The following SAMSN1 variants were observed in gnomAD, a reference collection of about 807,000 sequenced individuals.
SAMSN1 encodes the protein SAM domain-containing protein SAMSN-1.
Under a neutral mutation model 42.0 loss-of-function variants are expected in SAMSN1, and 31 were observed. That is an observed-to-expected ratio of 0.74 (90% confidence interval 0.55 to 1.00). The LOEUF is 1.00. Among genes scored for constraint, SAMSN1 ranks in the 50% least tolerant of loss-of-function variants. The pLI, the probability that SAMSN1 is intolerant of heterozygous loss-of-function variation, is 0.00. For synonymous variants in SAMSN1, 178 were observed against 151.9 expected (o/e 1.17, Z -1.26); for missense variants, 464 against 439.4 (o/e 1.06, Z -0.50).
At chr21:14,538,967 C>A (rs994428734) in intron 1 of SAMSN1, among the ~76,000 whole-genome samples, 1 of 152,162 alleles carries the variant, frequency 6.6e-6, no homozygotes, top group Non-Finnish European at 1.5e-5. Flanking sequence ...TTTATTAACA[C>A]GGATCATTAA....
intron 5 of SAMSN1, among the ~76,000 whole-genome samples, chr21:14,606,095 T>C (rs1253809560): frequency 1.3e-5 from 2 of 152,112 alleles, no homozygotes; most frequent in Admixed American, 6.5e-5. Flanking sequence ...CCGCCTCGGC[T>C]GCCCAAAGTG....
upstream of SAMSN1, among the ~76,000 whole-genome samples, chr21:14,584,003 T>TTTC (rs1981843024): frequency 6.6e-6 from 1 of 151,736 alleles, no homozygotes. Flanking sequence ...TTTACCATTT[T>TTTC]TTTTTTTTAC....
At chr21:14,593,022 G>C (rs985725861) in intron 7 of SAMSN1, among the ~76,000 whole-genome samples, 1 of 152,066 alleles carries the variant, frequency 6.6e-6, no homozygotes, top group African/African-American at 2.4e-5. Flanking sequence ...TTAGGGAACA[G>C]AAGTAATATT....
chr21:14,654,369 C>T (rs538627792), intron 1 of SAMSN1, among the ~76,000 whole-genome samples: 12 of 151,934 alleles, frequency 7.9e-5, no homozygotes, highest in Non-Finnish European at 1.5e-4. Flanking sequence ...GTCATGAGTG[C>T]TCTAAAATAC....
At chr21:14,649,468 A>G (rs1424423713) in intron 1 of SAMSN1, among the ~76,000 whole-genome samples, 1 of 152,098 alleles carries the variant, frequency 6.6e-6, no homozygotes, top group African/African-American at 2.4e-5. Context: ...AAAATAAATT[A>G]ATTAAAGCAC....
Position 14,646,492 on chromosome 21 carries a change from G to C in SAMSN1, c.25-3359C>G, listed in dbSNP as rs558342043. ...AAGCTGAGGGATTTCAAGAACGCCA[G>C]GTCAGTCCTATAAGAAATGCTAAAG... On this transcript the variant is annotated intron_variant, in intron 1 of 15. Transcript: ENST00000647101. Among the ~76,000 whole-genome samples, 3 of 152,230 alleles carry C rather than the reference G, an allele frequency of 2.0e-5. No individual in the cohort carries two copies. The East Asian group carries it at 5.8e-4, about 29-fold the overall frequency.
intron 7 of SAMSN1, among the ~76,000 whole-genome samples, chr21:14,493,941 C>T (rs926648742): frequency 1.8e-4 from 28 of 152,184 alleles, no homozygotes; most frequent in African/African-American, 3.1e-4. Context: ...TCAGCACTAA[C>T]GCCACATACC....
chr21:14,638,057 G>C (rs1031773059), intron 2 of SAMSN1, among the ~76,000 whole-genome samples: 1 of 152,146 alleles, frequency 6.6e-6, no homozygotes, highest in African/African-American at 2.4e-5. Flanking sequence ...ACCTTCTGGT[G>C]TGTCTTTCTC....
chr21:14,641,866 A>G (rs1983606289), intron 2 of SAMSN1, among the ~76,000 whole-genome samples: 1 of 152,178 alleles, frequency 6.6e-6, no homozygotes, highest in African/African-American at 2.4e-5. Flanking sequence ...ATTTTCATAT[A>G]ACTTTTGACT....
upstream of SAMSN1, among the ~76,000 whole-genome samples, chr21:14,585,172 T>C (rs1280078326): frequency 6.6e-6 from 1 of 152,242 alleles, no homozygotes; most frequent in Non-Finnish European, 1.5e-5. Context: ...TTTCTATTGC[T>C]GTTTATTTTT....
chr21:14,577,258 A>G lies in SAMSN1; in HGVS notation c.261+4878T>C, dbSNP rs367839322. ...TGTGTGTATATATATATATATATAT[A>G]TATATATATATATATATATATATAT... is the stretch of plus-strand genomic sequence containing the variant. On this transcript the variant is annotated intron_variant, in intron 2 of 8. Transcript: ENST00000285670. Among the ~76,000 whole-genome samples, 12 of 43,156 alleles carry G rather than the reference A, an allele frequency of 2.8e-4. 1 individual carries two copies. The highest frequency in any genetic ancestry group is 1.2e-3 in the African/African-American group (10 of 8,192). The allele number at this position is 43,156 out of a possible 152,430, so 28.3% of individuals were successfully genotyped here.
chr21:14,636,169 G>C (rs925571967), intron 2 of SAMSN1, among the ~76,000 whole-genome samples: 1 of 152,162 alleles, frequency 6.6e-6, no homozygotes, highest in African/African-American at 2.4e-5. Flanking sequence ...CCCAGTCTGA[G>C]AGCAGAAATA....
intron 1 of SAMSN1, chr21:14,582,548 T>A: frequency 1.6e-6 from 1 of 639,726 alleles, no homozygotes; most frequent in Non-Finnish European, 2.7e-6. Flanking sequence ...ATAGGAATTA[T>A]TCTTCCATTT....
chr21:14,601,977 C>CA, intron 6 of SAMSN1: 1 of 644,790 alleles, frequency 1.6e-6, no homozygotes, highest in Non-Finnish European at 2.9e-6. Context: ...AGCTGAGTAA[C>CA]AAGACGATTT....
At chr21:14,487,924 C>A (rs1986507771) in intron 7 of SAMSN1, among the ~76,000 whole-genome samples, 1 of 152,016 alleles carries the variant, frequency 6.6e-6, no homozygotes. Flanking sequence ...TCATGACAAT[C>A]TTTAAGTTTG....
At chr21:14,541,408 G>C (rs1206792745) in intron 1 of SAMSN1, among the ~76,000 whole-genome samples, 1 of 151,864 alleles carries the variant, frequency 6.6e-6, no homozygotes, top group Non-Finnish European at 1.5e-5. Flanking sequence ...GTATTACCCT[G>C]TAGCCCATGA....
At chr21:14,487,418 G>A (rs1986486461) in intron 7 of SAMSN1, among the ~76,000 whole-genome samples, 1 of 151,678 alleles carries the variant, frequency 6.6e-6, no homozygotes, top group African/African-American at 2.4e-5. Flanking sequence ...ATTAGTTTAT[G>A]ATCCACTGTG....
chr21:14,523,573 GCGTA>G (rs1600892580), intron 1 of SAMSN1, among the ~76,000 whole-genome samples: 1 of 152,282 alleles, frequency 6.6e-6, no homozygotes, highest in East Asian at 1.9e-4. Flanking sequence ...AGGGAATTGA[GCGTA>G]TTGTTGTCCT....
exon 1 of SAMSN1, chr21:14,658,765 G>T (rs1283793912): frequency 4.2e-6 from 3 of 715,400 alleles, no homozygotes. Flanking sequence ...ATGCAGAAAA[G>T]ATTCATTTTG....
Sources: gnomAD v4.1 joint callset for allele counts (sites outside exome capture counted in the v4.1 genomes callset) on GRCh38, gnomAD v4.1.1 for gene constraint, MANE v1.5 for transcripts, NCBI Gene and HGNC (gene_info 2026-07-23, HGNC 2026-07-21) for gene names.